Variants in PPP3CA observed in about 807,000 individuals in gnomAD.
The protein encoded by PPP3CA is CAM-PRP catalytic subunit.
Under a neutral mutation model 66.5 loss-of-function variants are expected in PPP3CA, and 14 were observed. The observed-to-expected ratio is 0.21, with a 90% CI of 0.14 to 0.33. The LOEUF (loss-of-function observed/expected upper bound fraction) is 0.33. Ranked by LOEUF, PPP3CA falls within the 10% of genes least tolerant of loss-of-function variation. The pLI is 1.00. For missense variants in PPP3CA, 317 were observed against 639.5 expected (o/e 0.50, Z 5.44); for synonymous variants, 232 against 226.2 (o/e 1.03, Z -0.23).
At chr4:101,270,754 A>G (rs763974597) in intron 1 of PPP3CA, among the ~76,000 whole-genome samples, 1 of 152,160 alleles carries the variant, frequency 6.6e-6, no homozygotes, top group Non-Finnish European at 1.5e-5. Flanking sequence ...TGCCCTACAT[A>G]AGACTTAACA....
At chr4:101,295,902 T>G (rs1406325159) in intron 1 of PPP3CA, among the ~76,000 whole-genome samples, 1 of 152,242 alleles carries the variant, frequency 6.6e-6, no homozygotes, top group Non-Finnish European at 1.5e-5. Context: ...TTTATTCCAA[T>G]GGATCAGACC....
At chr4:101,036,188 T>A (rs1259645820) in intron 11 of PPP3CA, among the ~76,000 whole-genome samples, 1 of 152,244 alleles carries the variant, frequency 6.6e-6, no homozygotes, top group Non-Finnish European at 1.5e-5. Context: ...GACTGTATTA[T>A]AATAATTTCT....
chr4:101,225,079 C>T (rs932388815), intron 1 of PPP3CA, among the ~76,000 whole-genome samples: 1 of 151,742 alleles, frequency 6.6e-6, no homozygotes, highest in African/African-American at 2.4e-5. Context: ...GCTCCCTCAC[C>T]CCCTTTAGGT....
chr4:101,129,930 A>G (rs964050045), intron 2 of PPP3CA, among the ~76,000 whole-genome samples: 1 of 151,948 alleles, frequency 6.6e-6, no homozygotes, highest in African/African-American at 2.4e-5. Context: ...CTTCAGAGGG[A>G]TGCATAATAA....
chr4:101,061,208 AC>A (rs760714856), intron 9 of PPP3CA, 47 bp from the exon 10 acceptor site: 4 of 1,493,574 alleles, frequency 2.7e-6, no homozygotes, highest in Non-Finnish European at 3.7e-6. Context: ...TTCTGTTATA[AC>A]CTTAACTATT....
At chr4:101,226,706 C>CT (rs1211075310) in intron 1 of PPP3CA, among the ~76,000 whole-genome samples, 119 of 150,792 alleles carry the variant, frequency 7.9e-4, no homozygotes, top group Non-Finnish European at 1.1e-3. Flanking sequence ...ACAGGAATTT[C>CT]TTTTTTTTTC....
At chr4:101,241,997 A>G (rs1451869420) in intron 1 of PPP3CA, among the ~76,000 whole-genome samples, 2 of 152,168 alleles carry the variant, frequency 1.3e-5, no homozygotes, top group Non-Finnish European at 2.9e-5. Context: ...GAACTATAAG[A>G]TATCAGTTTT....
At chr4:101,102,777 A>G (rs1468580691) in intron 3 of PPP3CA, among the ~76,000 whole-genome samples, 1 of 152,200 alleles carries the variant, frequency 6.6e-6, no homozygotes, top group Non-Finnish European at 1.5e-5. Context: ...ATTTTTGTCT[A>G]TGTGGTATCA....
chr4:101,155,997 T>C (rs1480137572), intron 2 of PPP3CA, among the ~76,000 whole-genome samples: 1 of 152,174 alleles, frequency 6.6e-6, no homozygotes, highest in African/African-American at 2.4e-5. Context: ...GACCCTTACA[T>C]GCATTTAGAG....
chr4:101,298,652 G>GT (rs1315563061), intron 1 of PPP3CA, among the ~76,000 whole-genome samples: 14 of 152,044 alleles, frequency 9.2e-5, no homozygotes, highest in Admixed American at 5.2e-4. Context: ...TTACTTTACT[G>GT]TAAGAATATG....
At chr4:101,193,588 T>C (rs954793457) in intron 2 of PPP3CA, among the ~76,000 whole-genome samples, 4 of 152,140 alleles carry the variant, frequency 2.6e-5, no homozygotes, top group Admixed American at 1.3e-4. Flanking sequence ...AAATCCGCTT[T>C]GTGAGGGCAA....
intron 2 of PPP3CA, among the ~76,000 whole-genome samples, chr4:101,133,496 C>T (rs1043512422): frequency 1.3e-5 from 2 of 152,068 alleles, no homozygotes; most frequent in Non-Finnish European, 2.9e-5. Flanking sequence ...CCATTCACAA[C>T]TGCTACAAAG....
chr4:101,162,716 G>A (rs537219231), intron 2 of PPP3CA, among the ~76,000 whole-genome samples: 1 of 151,970 alleles, frequency 6.6e-6, no homozygotes, highest in Non-Finnish European at 1.5e-5. Flanking sequence ...ATGCATGCAC[G>A]CTAATTACAT....
intron 10 of PPP3CA, among the ~76,000 whole-genome samples, chr4:101,057,911 C>A (rs1728295740): frequency 6.6e-6 from 1 of 152,132 alleles, no homozygotes; most frequent in African/African-American, 2.4e-5. Context: ...GCAGAAGGAT[C>A]TTTTCTTTTC....
intron 2 of PPP3CA, among the ~76,000 whole-genome samples, chr4:101,156,056 G>T (rs1166498958): frequency 6.6e-6 from 1 of 152,130 alleles, no homozygotes; most frequent in Non-Finnish European, 1.5e-5. Flanking sequence ...TCAGAGTGGG[G>T]TTTCACACCC....
At chr4:101,099,524 T>C in intron 4 of PPP3CA, 87 bp downstream of exon 4, 1 of 643,370 alleles carries the variant, frequency 1.6e-6, no homozygotes, top group South Asian at 2.5e-5. Context: ...CTTTAGGCAA[T>C]AGATCATATT....
intron 2 of PPP3CA, among the ~76,000 whole-genome samples, chr4:101,136,825 C>G (rs1722638314): frequency 6.6e-6 from 1 of 151,992 alleles, no homozygotes; most frequent in Middle Eastern, 3.2e-3. Context: ...CACCTCACTG[C>G]CTTTTGTCTG....
intron 12 of PPP3CA, 111 bp downstream of exon 12, chr4:101,032,156 A>G: frequency 1.3e-6 from 1 of 757,734 alleles, no homozygotes; most frequent in South Asian, 3.2e-5. Flanking sequence ...GCCAGCTGAG[A>G]AGAAGAACCG....
chr4:101,243,989 C>A (rs554969859), intron 1 of PPP3CA, among the ~76,000 whole-genome samples: 1 of 152,246 alleles, frequency 6.6e-6, no homozygotes, highest in South Asian at 2.1e-4. Flanking sequence ...GGTTTGGTAT[C>A]TTTTTTACAG....
Sources: gnomAD v4.1 joint callset for allele counts (sites outside exome capture counted in the v4.1 genomes callset) on GRCh38, gnomAD v4.1.1 for gene constraint, MANE v1.5 for transcripts, NCBI Gene and HGNC (gene_info 2026-07-23, HGNC 2026-07-21) for gene names.